The following TBC1D12 variants were observed in gnomAD, a reference collection of about 807,000 sequenced individuals.
TBC1D12 encodes TBC1 domain family member 12, also known as TBC1 domain family, member 12.
TBC1D12 carries 56 observed loss-of-function variants against 86.7 expected under a neutral mutation model. The observed-to-expected ratio is 0.65, with a 90% CI of 0.52 to 0.81. TBC1D12 has a LOEUF of 0.81. TBC1D12 is among the 30% of genes least tolerant of loss of function. TBC1D12 has a pLI of 0.00. For synonymous variants in TBC1D12, 421 were observed against 411.7 expected, an observed-to-expected ratio of 1.02 and a Z score of -0.27; for missense variants, 1,023 against 1,038.8, an observed-to-expected ratio of 0.98 and a Z score of 0.21.
At chr10:94,514,429 C>T (rs2056564610) in intron 9 of TBC1D12, among the ~76,000 whole-genome samples, 1 of 152,134 alleles carries the variant, frequency 6.6e-6, no homozygotes, top group East Asian at 1.9e-4. Context: ...GTCTTCCCCA[C>T]CCCCAAGCCT....
At chr10:94,415,350 T>C (rs1018265222) in intron 1 of TBC1D12, among the ~76,000 whole-genome samples, 12 of 152,224 alleles carry the variant, frequency 7.9e-5, no homozygotes, top group Non-Finnish European at 1.3e-4. Flanking sequence ...CCCAGAGTTA[T>C]AGAGATTGGT....
At chr10:94,465,723 CATACATACATACGT>C (rs1247222927) in intron 2 of TBC1D12, among the ~76,000 whole-genome samples, 1 of 142,648 alleles carries the variant, frequency 7.0e-6, no homozygotes, top group Non-Finnish European at 1.5e-5. Flanking sequence ...CGTATACATA[CATACATACATACGT>C]ATACATACAT....
At chr10:94,404,874 C>G (rs2054830461) in intron 1 of TBC1D12, among the ~76,000 whole-genome samples, 1 of 151,940 alleles carries the variant, frequency 6.6e-6, no homozygotes, top group African/African-American at 2.4e-5. Flanking sequence ...TGGTGAAACC[C>G]CGTCTCTACT....
rs888756408 is a variant in TBC1D12, at chr10:94,496,920, C to T, written c.1295-135C>T. 10 of 430,864 alleles carry T rather than the reference C, an allele frequency of 2.3e-5. No homozygotes were observed. The East Asian group carries it at 4.1e-4, about 18-fold the overall frequency. 26.7% of individuals were successfully genotyped at this position (430,864 alleles called of 1,614,324 possible). ...CCTCCCTTTCTTTCCCTGTCCCTCC[C>T]TCCCTTATTTCCTTCCTTCCTCTTA... On this transcript the variant is annotated intron_variant, in intron 4 of 12. Coordinates refer to ENST00000225235, the MANE Select transcript of TBC1D12 (RefSeq NM_015188.2).
intron 9 of TBC1D12, among the ~76,000 whole-genome samples, chr10:94,521,244 A>T (rs1032372464): frequency 6.6e-6 from 1 of 151,594 alleles, no homozygotes; most frequent in South Asian, 2.1e-4. Context: ...AAAACAAAAA[A>T]AAAACAGGAG....
At chr10:94,413,521 TTGC>T (rs1304861216) in intron 1 of TBC1D12, among the ~76,000 whole-genome samples, 1 of 152,194 alleles carries the variant, frequency 6.6e-6, no homozygotes, top group Admixed American at 6.5e-5. Context: ...CCTCCAACAT[TTGC>T]TGCTTCAGCC....
intron 2 of TBC1D12, among the ~76,000 whole-genome samples, chr10:94,454,317 T>G (rs919439341): frequency 1.9e-4 from 29 of 152,206 alleles, no homozygotes; most frequent in African/African-American, 6.5e-4. Flanking sequence ...GTTCGAGCGA[T>G]TCTCCTGCCT....
chr10:94,476,024 C>T (rs542273166), intron 3 of TBC1D12, among the ~76,000 whole-genome samples: 4 of 152,224 alleles, frequency 2.6e-5, no homozygotes, highest in South Asian at 4.2e-4. Flanking sequence ...ACTGCAGCCT[C>T]GAACTCCTGG....
intron 2 of TBC1D12, among the ~76,000 whole-genome samples, chr10:94,450,915 G>A (rs2055540137): frequency 6.6e-6 from 1 of 152,046 alleles, no homozygotes; most frequent in Non-Finnish European, 1.5e-5. Flanking sequence ...GCCAGAAATG[G>A]AAAGTTAAAC....
intron 2 of TBC1D12, among the ~76,000 whole-genome samples, chr10:94,465,923 TATGC>T (rs2055813659): frequency 6.6e-6 from 1 of 150,902 alleles, no homozygotes; most frequent in Admixed American, 6.6e-5. Flanking sequence ...TATACGTATA[TATGC>T]GTATATATGT....
At chr10:94,429,812 C>A (rs1193896828) in intron 1 of TBC1D12, among the ~76,000 whole-genome samples, 2 of 152,080 alleles carry the variant, frequency 1.3e-5, no homozygotes, top group African/African-American at 4.8e-5. Context: ...TGTGTTACTG[C>A]AGCCTTGACC....
intron 2 of TBC1D12, among the ~76,000 whole-genome samples, chr10:94,453,848 C>T (rs1311822981): frequency 2.6e-5 from 4 of 151,892 alleles, no homozygotes; most frequent in Admixed American, 6.6e-5. Context: ...TCCAGTTGTT[C>T]CAGTACCATT....
Position 94,402,555 on chromosome 10 carries a change from G to A in TBC1D12, c.-59G>A. 7 of 1,589,034 alleles carry A rather than the reference G, an allele frequency of 4.4e-6. No individual in the cohort carries two copies. The highest frequency in any genetic ancestry group is 6.0e-6 in the Non-Finnish European group (7 of 1,167,474). ...CCCCAGCACCCAGAGCTGTTCTCTGGCCAAGCCTGCGCCTGTAGTCCTTCT... is the reference window on the plus strand; with the variant it reads ...CCCCAGCACCCAGAGCTGTTCTCTGACCAAGCCTGCGCCTGTAGTCCTTCT... On this transcript the variant is annotated 5_prime_UTR_variant, in exon 1 of 13. Coordinates refer to ENST00000225235, the MANE Select transcript of TBC1D12 (RefSeq NM_015188.2).
At chr10:94,441,769 G>A (rs919451646) in intron 1 of TBC1D12, 127 bp from the exon 2 acceptor site, 1 of 841,792 alleles carries the variant, frequency 1.2e-6, no homozygotes, top group African/African-American at 1.7e-5. Context: ...AGTGGTATAA[G>A]TAGTAGAAAT....
intron 4 of TBC1D12, among the ~76,000 whole-genome samples, chr10:94,494,531 TTATC>T (rs1200755923): frequency 6.6e-6 from 1 of 152,126 alleles, no homozygotes; most frequent in Non-Finnish European, 1.5e-5. Context: ...AATTAAGTAT[TTATC>T]TATTTATTAC....
chr10:94,494,341 T>C (rs954170609), intron 4 of TBC1D12, among the ~76,000 whole-genome samples: 1 of 152,156 alleles, frequency 6.6e-6, no homozygotes, highest in African/African-American at 2.4e-5. Context: ...TGACTTAAGT[T>C]AATGGACTGT....
chr10:94,411,258 A>T (rs1348753854), intron 1 of TBC1D12, among the ~76,000 whole-genome samples: 1 of 151,900 alleles, frequency 6.6e-6, no homozygotes, highest in Non-Finnish European at 1.5e-5. Context: ...TATTTCTTTG[A>T]GGTGGGGAGG....
intron 5 of TBC1D12, among the ~76,000 whole-genome samples, chr10:94,499,506 T>A (rs527864584): frequency 6.6e-6 from 1 of 152,330 alleles, no homozygotes; most frequent in African/African-American, 2.4e-5. Flanking sequence ...CTTATTGCCT[T>A]TTTACATAAC....
At chr10:94,507,463 A>G in intron 7 of TBC1D12, 116 bp downstream of exon 7, 1 of 940,946 alleles carries the variant, frequency 1.1e-6, no homozygotes, top group Non-Finnish European at 1.5e-6. Flanking sequence ...TAACCCTTTC[A>G]GTAAACAAGG....
Sources: allele counts gnomAD v4.1 joint callset (sites outside exome capture counted in the v4.1 genomes callset), GRCh38; gene constraint gnomAD v4.1.1; transcripts MANE v1.5; gene names NCBI Gene and HGNC (gene_info 2026-07-23, HGNC 2026-07-21).